EDA: variants seen among roughly 807,000 people sequenced by gnomAD.
EDA encodes the protein ectodysplasin-A.
A neutral mutation model predicts 23.6 loss-of-function variants in EDA; 2 were observed. The ratio of observed to expected loss-of-function variants is 0.08; its 90% CI spans 0.03 to 0.27. The LOEUF is 0.27. EDA is among the 10% of genes least tolerant of loss of function. The pLI is 1.00. For synonymous variants in EDA, 131 were observed against 132.0 expected, an observed-to-expected ratio of 0.99 and a Z score of 0.05; for missense variants, 229 against 324.2, an observed-to-expected ratio of 0.71 and a Z score of 2.26.
intron 1 of EDA, among the ~76,000 whole-genome samples, chrX:69,883,416 T>G (rs185376020): frequency 4.5e-5 from 5 of 112,132 alleles, no homozygotes; most frequent in African/African-American, 1.6e-4. Context: ...ATTACCACCA[T>G]TGACTCAAGG....
intron 2 of EDA, among the ~76,000 whole-genome samples, chrX:70,020,800 CAT>C (rs1007731238): frequency 1.5e-4 from 17 of 111,560 alleles, no homozygotes; most frequent in African/African-American, 5.2e-4. Flanking sequence ...TAGTTATTGA[CAT>C]AAAAAAGGTT....
rs188245308 is a variant in EDA at position 69,647,028 on chromosome X, C to T, written c.396+30324C>T. 3.9e-4 allele frequency among the ~76,000 whole-genome samples: 44 copies of T among 111,887 alleles called. No individual in the cohort carries two copies. In the East Asian group the frequency reaches 8.2e-3, roughly 21 times the overall value. On this transcript the variant is annotated intron_variant, in intron 1 of 7. Coordinates refer to ENST00000374552, the MANE Select transcript of EDA (RefSeq NM_001399.5). ...TACGTTGAATATTGTCCCCCAGTCT[C>T]TTCTGGCTTGTAGGGTTTCTGCTGA...
chrX:69,875,908 T>C (rs1363903632), intron 1 of EDA, among the ~76,000 whole-genome samples: 4 of 111,478 alleles, frequency 3.6e-5, no homozygotes, highest in Non-Finnish European at 7.5e-5. Flanking sequence ...TCACAAATTA[T>C]CAGGAAAATG....
chrX:69,895,549 A>C (rs1382841940), intron 1 of EDA, among the ~76,000 whole-genome samples: 1 of 111,374 alleles, frequency 9.0e-6, no homozygotes, highest in African/African-American at 3.3e-5. Context: ...ACCATCCTGA[A>C]ACCAAAAAAT....
intron 1 of EDA, among the ~76,000 whole-genome samples, chrX:69,863,529 G>GTATATATATATATATACATATATA (rs1569358948): frequency 1.6e-4 from 5 of 31,496 alleles, no homozygotes; most frequent in Non-Finnish European, 4.2e-4. Context: ...ATATATGTGT[G>GTATATATATATATATACATATATA]TGTATATATA....
chrX:69,804,044 C>A (rs1199820204), intron 1 of EDA, among the ~76,000 whole-genome samples: 1 of 110,663 alleles, frequency 9.0e-6, no homozygotes, highest in African/African-American at 3.3e-5. Flanking sequence ...ACCAAATTTT[C>A]TTTATCCATT....
chrX:69,861,455 T>G (rs2017383788), intron 1 of EDA, among the ~76,000 whole-genome samples: 2 of 111,034 alleles, frequency 1.8e-5, no homozygotes, highest in South Asian at 7.6e-4. Flanking sequence ...AAGGGGATCC[T>G]CAATCCATAA....
chrX:69,836,425 T>G (rs2016776584), intron 1 of EDA, among the ~76,000 whole-genome samples: 1 of 112,476 alleles, frequency 8.9e-6, no homozygotes, highest in Non-Finnish European at 1.9e-5. Flanking sequence ...GTTTACCTAC[T>G]CAAGCCTCAG....
At chrX:69,713,381 G>T (rs1432574099) in intron 1 of EDA, among the ~76,000 whole-genome samples, 2 of 111,517 alleles carry the variant, frequency 1.8e-5, no homozygotes, top group Non-Finnish European at 1.9e-5. Flanking sequence ...TATTTCTTCA[G>T]ATTTACTTGT....
At chrX:69,906,873 T>C (rs1569369836) in intron 1 of EDA, among the ~76,000 whole-genome samples, 1 of 112,465 alleles carries the variant, frequency 8.9e-6, no homozygotes, top group Non-Finnish European at 1.9e-5. Flanking sequence ...TGTATTTCCA[T>C]GCATACCTGA....
rs777909591 is a variant in EDA at position 69,892,590 on chromosome X, G to A, written c.397-64437G>A. On this transcript the variant is annotated intron_variant, in intron 1 of 7. Coordinates refer to ENST00000374552, the MANE Select transcript of EDA (RefSeq NM_001399.5). ...CAATTGAAAAATAGATTAGAGCCAC[G>A]AAGAACATTAGAGATCATGTAATAT... 1.3e-4 allele frequency among the ~76,000 whole-genome samples: 15 copies of A among 112,275 alleles called. No homozygotes were observed. The South Asian group carries it at 1.5e-3, about 11-fold the overall frequency.
chrX:69,686,252 C>T (rs1305131710), intron 1 of EDA, among the ~76,000 whole-genome samples: 1 of 112,239 alleles, frequency 8.9e-6, no homozygotes, highest in Non-Finnish European at 1.9e-5. Context: ...CCACCTTGGC[C>T]TCCCAAAGTG....
Position 70,036,154 on chromosome X carries a change from G to A in EDA, c.*545G>A, listed in dbSNP as rs2020264879. On this transcript the variant is annotated 3_prime_UTR_variant, in exon 8 of 8. Coordinates refer to ENST00000374552, the MANE Select transcript of EDA (RefSeq NM_001399.5). The stretch of plus-strand genomic sequence containing the variant: ...AACCTGCCAAGGAGCATCCTTGGCA[G>A]TGGGAATGTTCTTTCTGCTCTATAC... The A allele has an allele frequency of 8.4e-6, 1 of 118,894 alleles. No homozygotes were observed. The highest frequency in any genetic ancestry group is 3.3e-5 in the African/African-American group (1 of 30,713). 9.8% of individuals were successfully genotyped at this position (118,894 alleles called of 1,213,427 possible). A position where few individuals can be genotyped will look rare whatever the true frequency, so the allele number is the denominator to read the frequency against.
At chrX:70,022,304 A>G (rs1476076990) in intron 2 of EDA, among the ~76,000 whole-genome samples, 5 of 110,065 alleles carry the variant, frequency 4.5e-5, no homozygotes, top group African/African-American at 1.7e-4. Context: ...GAAATGGTTG[A>G]CATGTCTTAT....
At chrX:70,017,111 A>G (rs1419154338) in intron 2 of EDA, among the ~76,000 whole-genome samples, 1 of 111,857 alleles carries the variant, frequency 8.9e-6, no homozygotes, top group Non-Finnish European at 1.9e-5. Flanking sequence ...AACCTAGAAG[A>G]AACTGATAAA....
chrX:69,882,141 G>GA (rs201535327), intron 1 of EDA, among the ~76,000 whole-genome samples: 9 of 109,167 alleles, frequency 8.2e-5, no homozygotes, highest in East Asian at 2.9e-4. Flanking sequence ...TCTGTTTATT[G>GA]AAAAAAAAAC....
chrX:69,842,174 G>A (rs1023735491), intron 1 of EDA, among the ~76,000 whole-genome samples: 2 of 111,267 alleles, frequency 1.8e-5, no homozygotes, highest in Admixed American at 9.6e-5. Context: ...CAGATCAGCA[G>A]TGGCATTAGA....
At chrX:69,812,948 T>G in intron 1 of EDA, among the ~76,000 whole-genome samples, 1 of 111,783 alleles carries the variant, frequency 8.9e-6, no homozygotes, top group Non-Finnish European at 1.9e-5. Context: ...GATGGTCATA[T>G]TCTCCAGATG....
chrX:69,777,653 C>T (rs953121591), intron 1 of EDA, among the ~76,000 whole-genome samples: 1 of 111,056 alleles, frequency 9.0e-6, no homozygotes, highest in Admixed American at 9.6e-5. Flanking sequence ...GTGGTATGAC[C>T]AGAGCCATGA....
Sources: allele counts gnomAD v4.1 joint callset (sites outside exome capture counted in the v4.1 genomes callset), GRCh38; gene constraint gnomAD v4.1.1; transcripts MANE v1.5; gene names NCBI Gene and HGNC (gene_info 2026-07-23, HGNC 2026-07-21).